Variants in SMAD3 observed in about 807,000 individuals in gnomAD.
SMAD3 encodes SMAD family member 3, also known as MAD homolog 3.
Under a neutral mutation model 51.8 loss-of-function variants are expected in SMAD3, and 12 were observed. The observed-to-expected ratio is 0.23, with a 90% CI of 0.15 to 0.38. The LOEUF (loss-of-function observed/expected upper bound fraction) is 0.38. SMAD3 is among the 10% of genes least tolerant of loss of function. The pLI, the probability that SMAD3 is intolerant of heterozygous loss-of-function variation, is 1.00. For missense variants in SMAD3, 294 were observed against 565.6 expected, an observed-to-expected ratio of 0.52 and a Z score of 4.87; for synonymous variants, 238 against 227.7, an observed-to-expected ratio of 1.05 and a Z score of -0.41.
rs78161634 is a variant in SMAD3 at position 67,119,636 on chromosome 15, A to G, written c.207-45259A>G. Among the ~76,000 whole-genome samples, 1,452 of 152,350 alleles carry G rather than the reference A, an allele frequency of 9.5e-3. 23 individuals carry two copies. The highest frequency in any genetic ancestry group is 0.033 in the African/African-American group (1,378 of 41,566). On this transcript the variant is annotated intron_variant, in intron 1 of 8. Transcript: ENST00000327367. Reference sequence around the variant, plus strand: ...ACATTCATAAAATTCAGACCCGCACACACTCGGGAATGGGAAAAATGAATT... The same window carrying G: ...ACATTCATAAAATTCAGACCCGCACGCACTCGGGAATGGGAAAAATGAATT...
chr15:67,190,432 A>G lies in SMAD3; in HGVS notation c.1174A>G (p.Thr392Ala). The G allele has an allele frequency of 6.2e-7, 1 of 1,613,818 alleles. No individual in the cohort carries two copies. The highest frequency in any genetic ancestry group is 8.5e-7 in the Non-Finnish European group (1 of 1,179,950). ...TTACAGGAGACAGACTGTGACCAGTACCCCCTGCTGGATTGAGCTGCACCT... is the reference window on the plus strand; with the variant it reads ...TTACAGGAGACAGACTGTGACCAGTGCCCCCTGCTGGATTGAGCTGCACCT... ...AEYRRQTVTS[T>A]PCWIELHLNG... The change falls in exon 9 of 9, where the codon ACC becomes GCC. Residue 392 changes from threonine (T) to alanine (A), a missense_variant. This residue lies in a region of SMAD3 where 118 missense variants were observed against 278.0 expected (regional missense o/e 0.42). Transcript: ENST00000327367.
intron 8 of SMAD3, among the ~76,000 whole-genome samples, chr15:67,189,611 G>A (rs557792985): frequency 3.3e-4 from 51 of 152,322 alleles, no homozygotes; most frequent in Non-Finnish European, 6.3e-4. Context: ...AGGAGAGTAA[G>A]GTTTCAGCTC....
At chr15:67,086,970 A>C (rs577934903) in intron 1 of SMAD3, among the ~76,000 whole-genome samples, 24 of 149,958 alleles carry the variant, frequency 1.6e-4, no homozygotes, top group Non-Finnish European at 2.4e-4. Context: ...ATCTCAGCTC[A>C]CTACAACCTC....
intron 1 of SMAD3, among the ~76,000 whole-genome samples, chr15:67,160,341 A>C (rs953120912): frequency 6.6e-6 from 1 of 152,216 alleles, no homozygotes; most frequent in African/African-American, 2.4e-5. Flanking sequence ...CATTCTAATA[A>C]GTATGTAGTC....
chr15:67,175,555 T>C (rs1467063257), intron 5 of SMAD3, among the ~76,000 whole-genome samples: 1 of 152,214 alleles, frequency 6.6e-6, no homozygotes, highest in Admixed American at 6.5e-5. Context: ...TTGAGAATTC[T>C]TAGGTTATTT....
intron 1 of SMAD3, among the ~76,000 whole-genome samples, chr15:67,073,051 A>G (rs1169489689): frequency 2.0e-5 from 3 of 152,220 alleles, no homozygotes; most frequent in African/African-American, 7.2e-5. Context: ...TGGCTGTGAA[A>G]CACAGGTTCT....
intron 1 of SMAD3, among the ~76,000 whole-genome samples, chr15:67,164,545 G>C (rs914940772): frequency 1.3e-5 from 2 of 152,136 alleles, no homozygotes; most frequent in African/African-American, 4.8e-5. Context: ...GTAGGAAGCC[G>C]ATGAGTGGCT....
intron 1 of SMAD3, among the ~76,000 whole-genome samples, chr15:67,110,486 T>C (rs56324967): frequency 0.52 from 78,673 of 152,120 alleles, 23,331 homozygotes; most frequent in Non-Finnish European, 0.68. Flanking sequence ...GACAGCACCT[T>C]GGTAGTCCCT....
intron 1 of SMAD3, among the ~76,000 whole-genome samples, chr15:67,155,814 C>T (rs1962267469): frequency 6.6e-6 from 1 of 152,014 alleles, no homozygotes; most frequent in South Asian, 2.1e-4. Flanking sequence ...GGTGAAACCC[C>T]ATCTCTACTA....
intron 8 of SMAD3, 62 bp from the exon 9 acceptor site, chr15:67,190,351 T>C (rs1396212515): frequency 3.3e-6 from 5 of 1,506,158 alleles, no homozygotes. Context: ...GCTTTCTGAC[T>C]TGTGTAACCC....
intron 1 of SMAD3, among the ~76,000 whole-genome samples, chr15:67,073,729 C>T (rs1960106996): frequency 6.6e-6 from 1 of 152,194 alleles, no homozygotes; most frequent in African/African-American, 2.4e-5. Flanking sequence ...GGCTAAAGTG[C>T]AATGGCGCGG....
chr15:67,076,290 G>T (rs992757471), intron 1 of SMAD3, among the ~76,000 whole-genome samples: 26 of 152,150 alleles, frequency 1.7e-4, no homozygotes, highest in Non-Finnish European at 3.7e-4. Flanking sequence ...TTGTTTGGTC[G>T]ACTAAAAATA....
chr15:67,189,467 G>A (rs1963304631), intron 8 of SMAD3, among the ~76,000 whole-genome samples: 1 of 152,242 alleles, frequency 6.6e-6, no homozygotes, highest in South Asian at 2.1e-4. Flanking sequence ...TCACCACGCG[G>A]GATGTCCTGC....
chr15:67,109,082 C>T (rs936567755), intron 1 of SMAD3, among the ~76,000 whole-genome samples: 1 of 152,198 alleles, frequency 6.6e-6, no homozygotes, highest in Non-Finnish European at 1.5e-5. Context: ...GCACCTAGCA[C>T]GGTGCCTGAT....
chr15:67,072,082 ATGAAAT>A (rs1457127687), intron 1 of SMAD3, among the ~76,000 whole-genome samples: 1 of 152,252 alleles, frequency 6.6e-6, no homozygotes, highest in Admixed American at 6.5e-5. Flanking sequence ...CAAGAAGTTG[ATGAAAT>A]TGAAAGAATT....
At chr15:67,188,676 C>T (rs538224603) in intron 8 of SMAD3, among the ~76,000 whole-genome samples, 3 of 152,354 alleles carry the variant, frequency 2.0e-5, no homozygotes, top group African/African-American at 7.2e-5. Context: ...CTAGAGCCAG[C>T]GCCTTGCAAG....
At chr15:67,169,119 A>T (rs1166744007) in intron 4 of SMAD3, among the ~76,000 whole-genome samples, 1 of 152,236 alleles carries the variant, frequency 6.6e-6, no homozygotes, top group Admixed American at 6.5e-5. Flanking sequence ...CATGTCACAC[A>T]GTAGATGATA....
At chr15:67,153,957 G>A (rs1263044780) in intron 1 of SMAD3, among the ~76,000 whole-genome samples, 2 of 152,160 alleles carry the variant, frequency 1.3e-5, no homozygotes, top group Non-Finnish European at 2.9e-5. Context: ...ATAGCCCAAG[G>A]TCTAGGCGAT....
At chr15:67,178,672 G>A (rs1201995272) in intron 5 of SMAD3, among the ~76,000 whole-genome samples, 1 of 14,044 alleles carries the variant, frequency 7.1e-5, no homozygotes, top group South Asian at 8.1e-3. Flanking sequence ...GTTGCACTTG[G>A]ATTTTTTTTT....
Sources: allele counts gnomAD v4.1 joint callset (sites outside exome capture counted in the v4.1 genomes callset), GRCh38; gene constraint gnomAD v4.1.1; regional missense constraint gnomAD v4.1.1; transcripts MANE v1.5; gene names NCBI Gene and HGNC (gene_info 2026-07-23, HGNC 2026-07-21).